Variants in SGCZ observed in about 807,000 individuals in gnomAD.
The protein encoded by SGCZ is sarcoglycan zeta, also known as zeta-sarcoglycan.
Under a neutral mutation model 41.3 loss-of-function variants are expected in SGCZ, and 40 were observed. That is an observed-to-expected ratio of 0.97 (90% CI 0.75 to 1.26). The LOEUF (loss-of-function observed/expected upper bound fraction) is 1.26, where lower values mean the gene tolerates loss of function less well. SGCZ is among the 50% of genes most tolerant of loss of function. The pLI is 0.00. For synonymous variants in SGCZ, 206 were observed against 137.5 expected (o/e 1.50, Z -3.49); for missense variants, 552 against 369.8 (o/e 1.49, Z -4.04).
At chr8:14,277,957 A>G (rs1180531294) in intron 3 of SGCZ, among the ~76,000 whole-genome samples, 1 of 152,194 alleles carries the variant, frequency 6.6e-6, no homozygotes, top group Admixed American at 6.5e-5. Flanking sequence ...AGTCATCGCC[A>G]TGCCCAGACA....
intron 1 of SGCZ, among the ~76,000 whole-genome samples, chr8:14,684,661 G>C (rs1352681649): frequency 6.6e-6 from 1 of 151,310 alleles, no homozygotes; most frequent in Non-Finnish European, 1.5e-5. Flanking sequence ...TCAAATCTGA[G>C]GCTGAAATAG....
chr8:15,184,432 T>G (rs900502648), intron 1 of SGCZ, among the ~76,000 whole-genome samples: 1 of 152,216 alleles, frequency 6.6e-6, no homozygotes, highest in East Asian at 1.9e-4. Context: ...TAAAAAATGC[T>G]TCCTTCTGTG....
chr8:14,092,758 T>G (rs1427806620), intron 7 of SGCZ, among the ~76,000 whole-genome samples: 1 of 152,058 alleles, frequency 6.6e-6, no homozygotes, highest in Non-Finnish European at 1.5e-5. Flanking sequence ...CCCAGCCTCG[T>G]GGAAGTGTGA....
chr8:14,738,913 T>C (rs1339360366), intron 1 of SGCZ, among the ~76,000 whole-genome samples: 1 of 152,010 alleles, frequency 6.6e-6, no homozygotes, highest in Non-Finnish European at 1.5e-5. Flanking sequence ...CCAGGTAGGC[T>C]CTCTCTGGGA....
chr8:14,801,457 C>T (rs1477070266), intron 1 of SGCZ, among the ~76,000 whole-genome samples: 1 of 152,024 alleles, frequency 6.6e-6, no homozygotes, highest in African/African-American at 2.4e-5. Flanking sequence ...TATAATGTAA[C>T]AATAATTTTC....
intron 2 of SGCZ, among the ~76,000 whole-genome samples, chr8:14,378,815 G>T (rs914296241): frequency 6.6e-5 from 10 of 152,216 alleles, no homozygotes; most frequent in African/African-American, 2.4e-4. Context: ...AGAATTGGTT[G>T]ATGTGGGAAT....
chr8:14,527,363 G>A (rs1802984186), intron 2 of SGCZ, among the ~76,000 whole-genome samples: 1 of 152,206 alleles, frequency 6.6e-6, no homozygotes, highest in East Asian at 1.9e-4. Flanking sequence ...GCGCAGTGGC[G>A]CGATTATGGC....
At chr8:14,408,644 C>T (rs2117269150) in intron 2 of SGCZ, among the ~76,000 whole-genome samples, 1 of 152,216 alleles carries the variant, frequency 6.6e-6, no homozygotes, top group South Asian at 2.1e-4. Flanking sequence ...CATTTCATTG[C>T]ATTTGGATGG....
rs1343299413 is a variant in SGCZ at position 14,491,127 on chromosome 8, T to C, written c.234+63605A>G. Among the ~76,000 whole-genome samples, 3 of 115,498 alleles carry C rather than the reference T, an allele frequency of 2.6e-5. No homozygotes were observed. In the East Asian group the frequency reaches 6.6e-4, roughly 26 times the overall value. 75.8% of individuals were successfully genotyped at this position (115,498 alleles called of 152,430 possible). ...TTGAGATCTAATTTGTTTACTTGGT[T>C]TAGTTACTTTTGACTATGTTTGGTA... On this transcript the variant is annotated intron_variant, in intron 2 of 7. Coordinates refer to ENST00000382080, the MANE Select transcript of SGCZ (RefSeq NM_139167.4).
chr8:14,443,723 G>A (rs777139496), intron 2 of SGCZ, among the ~76,000 whole-genome samples: 24 of 152,088 alleles, frequency 1.6e-4, no homozygotes, highest in Non-Finnish European at 2.8e-4. Flanking sequence ...AGAAAACCTA[G>A]GCATTACCAT....
In SGCZ at chr8:14,904,526, A is replaced by G. The variant is rs558741647; in HGVS notation, c.39+333059T>C. Among the ~76,000 whole-genome samples, 5 of 152,182 alleles carry G rather than the reference A, an allele frequency of 3.3e-5. No homozygotes were observed. The East Asian group carries it at 9.7e-4, about 29-fold the overall frequency. On this transcript the variant is annotated intron_variant, in intron 1 of 7. Coordinates refer to ENST00000382080, the MANE Select transcript of SGCZ (RefSeq NM_139167.4). Reference sequence around the variant, plus strand: ...AACTAGAAGCATTTTACCTTGAATAATTCATTATTAAATAATTTCTGAAGG... The same window carrying G: ...AACTAGAAGCATTTTACCTTGAATAGTTCATTATTAAATAATTTCTGAAGG...
At chr8:14,332,571 G>C (rs1040737130) in intron 2 of SGCZ, 2 of 152,120 alleles carry the variant, frequency 1.3e-5, no homozygotes, top group Non-Finnish European at 2.9e-5. Flanking sequence ...TCTGAAGGTA[G>C]TGAGTTATCT....
chr8:14,886,172 T>C (rs1275978720), intron 1 of SGCZ, among the ~76,000 whole-genome samples: 1 of 151,450 alleles, frequency 6.6e-6, no homozygotes, highest in Non-Finnish European at 1.5e-5. Context: ...ACATTGTTGA[T>C]GATTGTTTAT....
At chr8:14,798,835 T>A (rs1801221213) in intron 1 of SGCZ, among the ~76,000 whole-genome samples, 1 of 152,030 alleles carries the variant, frequency 6.6e-6, no homozygotes, top group African/African-American at 2.4e-5. Flanking sequence ...AAATAAGCAC[T>A]GTTATTAAAG....
rs1057085158 is a variant in SGCZ, at chr8:15,105,622, G to A, written c.39+131963C>T. On this transcript the variant is annotated intron_variant, in intron 1 of 7. Transcript: ENST00000382080. Reference sequence around the variant, plus strand: ...TGATTCAATCACATCCCAACAGGCCGTCCTTCAACATGTGAGGATTACCAT... The same window carrying A: ...TGATTCAATCACATCCCAACAGGCCATCCTTCAACATGTGAGGATTACCAT... Among the ~76,000 whole-genome samples the A allele has an allele frequency of 5.3e-5, 8 of 152,206 alleles. No homozygotes were observed. In the East Asian group the frequency reaches 9.7e-4, roughly 18 times the overall value.
intron 1 of SGCZ, among the ~76,000 whole-genome samples, chr8:15,008,566 AGGGAGG>A (rs1179438986): frequency 1.2e-4 from 1 of 8,524 alleles, no homozygotes; most frequent in African/African-American, 4.8e-4. Flanking sequence ...GGAGGGAGGG[AGGGAGG>A]GGGAGGGGGA....
chr8:14,141,596 C>A (rs1221034240), intron 5 of SGCZ, among the ~76,000 whole-genome samples: 1 of 152,134 alleles, frequency 6.6e-6, no homozygotes, highest in African/African-American at 2.4e-5. Context: ...CAGAGAAATG[C>A]AAATAAAAAC....
In SGCZ at chr8:14,102,299, T is replaced by TTATAAATA. The variant is rs1802054743; in HGVS notation, c.744+69_744+76dup. 1.2e-5 allele frequency: 16 copies of TTATAAATA among 1,293,978 alleles called. No homozygotes were observed. The South Asian group carries it at 4.5e-4, about 36-fold the overall frequency. 80.2% of individuals were successfully genotyped at this position (1,293,978 alleles called of 1,614,324 possible). On this transcript the variant is annotated intron_variant, in intron 7 of 7. Transcript: ENST00000382080. ...TGAAAGATATTCCTTCACAAGTCAA[T>TTATAAATA]TATAAATAGGACATCTAAATACTTG...
At chr8:14,695,271 T>C (rs1322520080) in intron 1 of SGCZ, among the ~76,000 whole-genome samples, 1 of 152,116 alleles carries the variant, frequency 6.6e-6, no homozygotes, top group African/African-American at 2.4e-5. Context: ...TCTTTTTTCA[T>C]AGAGGAAAAA....
Sources: allele counts gnomAD v4.1 joint callset (sites outside exome capture counted in the v4.1 genomes callset), GRCh38; gene constraint gnomAD v4.1.1; transcripts MANE v1.5; gene names NCBI Gene and HGNC (gene_info 2026-07-23, HGNC 2026-07-21).